The following FEZF2 variants were observed in gnomAD, a reference collection of about 807,000 sequenced individuals.
FEZF2 encodes the protein fez family zinc finger protein 2.
A neutral mutation model predicts 32.8 loss-of-function variants in FEZF2; 2 were observed. The ratio of observed to expected loss-of-function variants is 0.06; its 90% CI spans 0.02 to 0.19. The LOEUF (loss-of-function observed/expected upper bound fraction) is 0.19. Ranked by LOEUF, FEZF2 falls within the 10% of genes least tolerant of loss-of-function variation. FEZF2 has a pLI of 1.00. For missense variants in FEZF2, 516 were observed against 625.4 expected, an observed-to-expected ratio of 0.83 and a Z score of 1.87; for synonymous variants, 322 against 284.8, an observed-to-expected ratio of 1.13 and a Z score of -1.32.
chr3:62,372,593 C>A lies in FEZF2; in HGVS notation c.276G>T (p.Ser92=). 6.9e-7 allele frequency: 1 copy of A among 1,446,728 alleles called. No homozygotes were observed. Among genetic ancestry groups the A allele is most frequent in the Non-Finnish European group, 9.1e-7 (1 of 1,093,694 alleles). The allele number at this position is 1,446,728 out of a possible 1,614,324, so 89.6% of individuals were successfully genotyped here. A position where few individuals can be genotyped will look rare whatever the true frequency, so the allele number is the denominator to read the frequency against. ...CCCGGAGGCTGCTTTTCCAGAGCTCCGAGTAACTGAGCAGTGTCTTTGACG... is the reference window on the plus strand; with the variant it reads ...CCCGGAGGCTGCTTTTCCAGAGCTCAGAGTAACTGAGCAGTGTCTTTGACG... ...EVPSKTLLSY[S]ELWKSSLRAG... Residue 92 remains serine, a synonymous_variant, in exon 2 of 5, where the codon TCG becomes TCT. Coordinates refer to ENST00000283268, the MANE Select transcript of FEZF2 (RefSeq NM_018008.4). This position sits in a 1 kb window ranked among gnomAD's most constrained non-coding sequence, Gnocchi z 9.6.
intron 3 of FEZF2, 62 bp from the exon 4 acceptor site, chr3:62,371,411 TC>T (rs71123259): frequency 5.9e-5 from 94 of 1,587,718 alleles, no homozygotes; most frequent in African/African-American, 1.1e-4. Flanking sequence ...GGAAGGGACA[TC>T]CCCCCCACCC....
chr3:62,373,117 AG>A lies in FEZF2; in HGVS notation c.-59+161del. 1 of 188,716 alleles carries A rather than the reference AG, an allele frequency of 5.3e-6. No homozygotes were observed. Among genetic ancestry groups the A allele is most frequent in the Non-Finnish European group, 1.0e-5 (1 of 96,262 alleles). 11.7% of individuals were successfully genotyped at this position (188,716 alleles called of 1,614,324 possible). A position where few individuals can be genotyped will look rare whatever the true frequency, so the allele number is the denominator to read the frequency against. The stretch of plus-strand genomic sequence containing the variant: ...CCCTGGGACTTTGAAAGGGGGAAGA[AG>A]GGGGAGGGTTTACAAAAGAAAAGGG... On this transcript the variant is annotated intron_variant, in intron 1 of 4. Coordinates refer to ENST00000283268, the MANE Select transcript of FEZF2 (RefSeq NM_018008.4). This position sits in a 1 kb window ranked among gnomAD's most constrained non-coding sequence, Gnocchi z 5.5.
Position 62,370,234 on chromosome 3 carries a change from G to A in FEZF2, c.1229C>T (p.Thr410Ile). The A allele has an allele frequency of 1.2e-6, 2 of 1,614,200 alleles. No individual in the cohort carries two copies. The highest frequency in any genetic ancestry group is 1.7e-6 in the Non-Finnish European group (2 of 1,180,044). ...QVYNLTFHMH[T>I]HNDKKPFTCA... ...CGTGAAAGGCTTCTTGTCGTTGTGG[G>A]TGTGCATATGGAAGGTTAGGTTGTA... The change falls in exon 5 of 5, where the codon ACC (threonine) becomes ATC (isoleucine). Residue 410 changes from threonine to isoleucine, a missense_variant. Physicochemically the swap from Thr to Ile is moderately conservative, Grantham distance 89. This residue lies in a region of FEZF2 where 79 missense variants were observed against 219.4 expected (regional missense o/e 0.36). Transcript: ENST00000283268. This position sits in a 1 kb window ranked among gnomAD's most constrained non-coding sequence, Gnocchi z 4.2.
chr3:62,372,959 C>T lies in FEZF2; in HGVS notation c.-58-33G>A, dbSNP rs1704296148. 5 of 1,247,528 alleles carry T rather than the reference C, an allele frequency of 4.0e-6. No homozygotes were observed. The highest frequency in any genetic ancestry group is 5.2e-6 in the Non-Finnish European group (5 of 966,482). The allele number at this position is 1,247,528 out of a possible 1,614,324, so 77.3% of individuals were successfully genotyped here. ...CCGGAAAAGGCAGGGGGGAAAACTG[C>T]AATTTAATAAGCACCTAGTCGGGCC... On this transcript the variant is annotated intron_variant, in intron 1 of 4. Coordinates refer to ENST00000283268, the MANE Select transcript of FEZF2 (RefSeq NM_018008.4). This position sits in a 1 kb window ranked among gnomAD's most constrained non-coding sequence, Gnocchi z 9.6.
Position 62,370,763 on chromosome 3 carries a change from C to T in FEZF2, c.1121-421G>A, listed in dbSNP as rs931377613. ...TTAAAGTTACTTCTTTCTCGCCCCC[C>T]AACTACCAACTGAAGATCCAAAAGT... On this transcript the variant is annotated intron_variant, in intron 4 of 4. Transcript: ENST00000283268. This position sits in a 1 kb window ranked among gnomAD's most constrained non-coding sequence, Gnocchi z 4.2. Among the ~76,000 whole-genome samples the T allele has an allele frequency of 1.3e-5, 2 of 152,166 alleles. No individual in the cohort carries two copies. Among genetic ancestry groups the T allele is most frequent in the African/African-American group, 4.8e-5 (2 of 41,428 alleles).
chr3:62,372,516 GC>G lies in FEZF2; in HGVS notation c.352del (p.Ala118ProfsTer129), dbSNP rs760113431. On this transcript the variant is annotated frameshift_variant, in exon 2 of 5. Coordinates refer to ENST00000283268, the MANE Select transcript of FEZF2 (RefSeq NM_018008.4). LOFTEE classifies it high-confidence loss of function. This position sits in a 1 kb window ranked among gnomAD's most constrained non-coding sequence, Gnocchi z 9.6. The part of the protein sequence containing the change: ...GGGGGGGGGG[A>X]PVCGASGLCK... ...CAAGCCGCTGGCGCCGCACACTGGG[GC>G]CCCCCCGCCGCCGCCGCCGCCACCG... The G allele has an allele frequency of 7.6e-6, 10 of 1,307,674 alleles. No individual in the cohort carries two copies. In the Admixed American group the frequency reaches 1.2e-4, roughly 16 times the overall value. 81.0% of individuals were successfully genotyped at this position (1,307,674 alleles called of 1,614,324 possible).
intron 3 of FEZF2, 35 bp downstream of exon 3, chr3:62,371,498 G>A (rs370956396): frequency 1.3e-6 from 2 of 1,593,684 alleles, no homozygotes; most frequent in African/African-American, 2.7e-5. Context: ...TCTGGGGGTT[G>A]CGCGCGGGCT....
At position 62,372,212 on chromosome 3, in the gene FEZF2, G is replaced by C. The variant is rs766362629; in HGVS notation, c.657C>G (p.Ala219=). The C allele has an allele frequency of 6.4e-7, 1 of 1,573,978 alleles. No homozygotes were observed. Among genetic ancestry groups the C allele is most frequent in the Non-Finnish European group, 8.6e-7 (1 of 1,159,660 alleles). Residue 219 remains alanine (A), a synonymous_variant, in exon 2 of 5, where the codon GCC becomes GCG. Coordinates refer to ENST00000283268, the MANE Select transcript of FEZF2 (RefSeq NM_018008.4). This position sits in a 1 kb window ranked among gnomAD's most constrained non-coding sequence, Gnocchi z 9.6. ...KLFLLENAKL[A]GLAADKFPHP... ...GGGGGAACTTGTCCGCAGCCAGGCC[G>C]GCCAGCTTGGCGTTCTCCAGCAGAA... is the stretch of plus-strand genomic sequence containing the variant.
rs1559836487 is a variant in FEZF2 at position 62,372,067 on chromosome 3, CTCCTGGCAGCTT to C, written c.790_801del (p.Lys264_Gly267del). 1 of 1,609,390 alleles carries C rather than the reference CTCCTGGCAGCTT, an allele frequency of 6.2e-7. No individual in the cohort carries two copies. Among genetic ancestry groups the C allele is most frequent in the South Asian group, 1.1e-5 (1 of 90,080 alleles). On this transcript the variant is annotated inframe_deletion, in exon 2 of 5. Transcript: ENST00000283268. This position sits in a 1 kb window ranked among gnomAD's most constrained non-coding sequence, Gnocchi z 9.6. The stretch of plus-strand genomic sequence containing the variant: ...TTTTTGGGCTTGCCATCTGCGGAGC[CTCCTGGCAGCTT>C]GCTGTGGCCCTTGACGCCTCCGCGC...
Position 62,372,982 on chromosome 3 carries a change from G to T in FEZF2, c.-58-56C>A, listed in dbSNP as rs1317349830. 1.9e-6 allele frequency: 2 copies of T among 1,065,946 alleles called. No individual in the cohort carries two copies. Among genetic ancestry groups the T allele is most frequent in the African/African-American group, 1.7e-5 (1 of 60,412 alleles). The allele number at this position is 1,065,946 out of a possible 1,614,324, so 66.0% of individuals were successfully genotyped here. A position where few individuals can be genotyped will look rare whatever the true frequency, so the allele number is the denominator to read the frequency against. Reference sequence around the variant, plus strand: ...TGCAATTTAATAAGCACCTAGTCGGGCCCGGGTCACCCATTTGCATTCAAA... The same window carrying T: ...TGCAATTTAATAAGCACCTAGTCGGTCCCGGGTCACCCATTTGCATTCAAA... On this transcript the variant is annotated intron_variant, in intron 1 of 4. Coordinates refer to ENST00000283268, the MANE Select transcript of FEZF2 (RefSeq NM_018008.4). The surrounding 1 kb of genome is among the most constrained non-coding windows in gnomAD (Gnocchi z 9.6).
Position 62,372,319 on chromosome 3 carries a change from C to T in FEZF2, c.550G>A (p.Glu184Lys), listed in dbSNP as rs1201995809. 12 of 1,609,562 alleles carry T rather than the reference C, an allele frequency of 7.5e-6. No homozygotes were observed. The highest frequency in any genetic ancestry group is 1.1e-5 in the South Asian group (1 of 90,572). ...GGGAAGAGGTGGCCGCTGAGGAGCT[C>T]AGACGGCGGGTACGCGGTCGAGTCC... ...YLDSTAYPPS[E>K]LLSGHLFPSG... is the part of the protein sequence containing the mutation. The change falls in exon 2 of 5, where the codon GAG (glutamate) becomes AAG (lysine). Residue 184 changes from glutamate to lysine, a missense_variant. Glu to Lys is a moderately conservative substitution (Grantham distance 56, BLOSUM62 1). Around this residue, in one of 3 missense-constraint regions of FEZF2, gnomAD observed 408 missense variants for 382.2 expected, o/e 1.07. Transcript: ENST00000283268. This position sits in a 1 kb window ranked among gnomAD's most constrained non-coding sequence, Gnocchi z 9.6.
At chr3:62,371,728 G>T in intron 2 of FEZF2, 61 bp from the exon 3 acceptor site, 6 of 1,556,678 alleles carry the variant, frequency 3.9e-6, no homozygotes, top group Non-Finnish European at 5.2e-6. Context: ...ATCAGCCCCG[G>T]GGGGGCCACA....
chr3:62,372,224 G>A lies in FEZF2; in HGVS notation c.645C>T (p.Asn215=). The A allele has an allele frequency of 6.3e-7, 1 of 1,575,914 alleles. No individual in the cohort carries two copies. Among genetic ancestry groups the A allele is most frequent in the Non-Finnish European group, 8.6e-7 (1 of 1,160,688 alleles). Residue 215 remains asparagine (N), a synonymous_variant, in exon 2 of 5, where the codon AAC becomes AAT. Coordinates refer to ENST00000283268, the MANE Select transcript of FEZF2 (RefSeq NM_018008.4). The surrounding 1 kb of genome is among the most constrained non-coding windows in gnomAD (Gnocchi z 9.6). ...AAHPKLFLLE[N]AKLAGLAADK... ...CCGCAGCCAGGCCGGCCAGCTTGGC[G>A]TTCTCCAGCAGAAAGAGCTTGGGGT... is the stretch of plus-strand genomic sequence containing the variant.
In FEZF2 at chr3:62,369,919, G is replaced by T; in HGVS notation, c.*164C>A. The T allele has an allele frequency of 2.4e-6, 2 of 834,630 alleles. No individual in the cohort carries two copies. The highest frequency in any genetic ancestry group is 3.5e-6 in the Non-Finnish European group (2 of 565,960). 51.7% of individuals were successfully genotyped at this position (834,630 alleles called of 1,614,324 possible). A position where few individuals can be genotyped will look rare whatever the true frequency, so the allele number is the denominator to read the frequency against. On this transcript the variant is annotated 3_prime_UTR_variant, in exon 5 of 5. Transcript: ENST00000283268. This position sits in a 1 kb window ranked among gnomAD's most constrained non-coding sequence, Gnocchi z 4.2. ...GGTGGGGGCCACGAGTTTGCTGCCA[G>T]TCATCGAGGAAACATTTAGCTTTCC...
At chr3:62,371,761 C>G in intron 2 of FEZF2, 94 bp from the exon 3 acceptor site, 1 of 1,516,010 alleles carries the variant, frequency 6.6e-7, no homozygotes, top group East Asian at 2.3e-5. Flanking sequence ...CAACCAACAC[C>G]CCCTTCAGAA....
At chr3:62,371,694 G>A in intron 2 of FEZF2, 27 bp from the exon 3 acceptor site, 1 of 1,593,380 alleles carries the variant, frequency 6.3e-7, no homozygotes, top group African/African-American at 1.3e-5. Flanking sequence ...GGGGCCTTGT[G>A]GTGCGTCTGT....
chr3:62,371,430 AC>A, intron 3 of FEZF2, 81 bp from the exon 4 acceptor site: 2 of 1,582,596 alleles, frequency 1.3e-6, no homozygotes, highest in Non-Finnish European at 1.7e-6. Flanking sequence ...CCCCCACTCA[AC>A]CCTAGAGGGT....
chr3:62,371,469 C>G (rs1704268033), intron 3 of FEZF2, 64 bp downstream of exon 3: 6 of 1,579,600 alleles, frequency 3.8e-6, no homozygotes, highest in Non-Finnish European at 4.3e-6. Context: ...CATCGTATCC[C>G]CGGTGTTATC....
chr3:62,371,732 G>C (rs1209454948), intron 2 of FEZF2, 65 bp from the exon 3 acceptor site: 4 of 1,551,022 alleles, frequency 2.6e-6, no homozygotes, highest in Non-Finnish European at 3.5e-6. Context: ...GCCCCGGGGG[G>C]GCCACAGCCT....
Sources: gnomAD v4.1 joint callset for allele counts (sites outside exome capture counted in the v4.1 genomes callset) on GRCh38, gnomAD v4.1.1 for gene constraint, gnomAD v4.1.1 regional missense constraint, Gnocchi (gnomAD v3.1) non-coding constraint, MANE v1.5 for transcripts, NCBI Gene and HGNC (gene_info 2026-07-23, HGNC 2026-07-21) for gene names.